Variants in PRSS23 observed in about 807,000 individuals in gnomAD.
PRSS23 encodes serine protease 23.
Under a neutral mutation model 34.7 loss-of-function variants are expected in PRSS23, and 25 were observed. That is an observed-to-expected ratio of 0.72 (90% CI 0.53 to 1.01). The LOEUF is 1.01. Among genes scored for constraint, PRSS23 ranks in the 50% least tolerant of loss-of-function variants. The pLI, the probability that PRSS23 is intolerant of heterozygous loss-of-function variation, is 0.00. For missense variants in PRSS23, 445 were observed against 475.6 expected, an observed-to-expected ratio of 0.94 and a Z score of 0.60; for synonymous variants, 176 against 186.6, an observed-to-expected ratio of 0.94 and a Z score of 0.46.
intron 2 of PRSS23, among the ~76,000 whole-genome samples, chr11:86,889,545 G>C (rs986539919): frequency 6.6e-6 from 1 of 152,160 alleles, no homozygotes; most frequent in Non-Finnish European, 1.5e-5. Context: ...AAAAGGGACT[G>C]AATGCACTCC....
upstream of PRSS23, chr11:86,800,288 C>G (rs904702806): frequency 1.3e-5 from 3 of 227,558 alleles, no homozygotes; most frequent in Non-Finnish European, 2.2e-5. Flanking sequence ...TGCCTGGCGC[C>G]GAGAGGCCCG....
chr11:86,859,257 G>C (rs1219616875), intron 2 of PRSS23, among the ~76,000 whole-genome samples: 1 of 122,660 alleles, frequency 8.2e-6, no homozygotes, highest in East Asian at 2.6e-4. Context: ...TTGTGATTTA[G>C]TTCAGGTGAT....
intron 2 of PRSS23, chr11:86,892,291 A>T (rs1181328978): frequency 6.6e-6 from 1 of 152,246 alleles, no homozygotes; most frequent in African/African-American, 2.4e-5. Flanking sequence ...GCCTTACTTC[A>T]TTGTCACTCC....
intron 2 of PRSS23, among the ~76,000 whole-genome samples, chr11:86,894,381 A>G (rs1948861277): frequency 6.6e-6 from 1 of 152,242 alleles, no homozygotes; most frequent in African/African-American, 2.4e-5. Context: ...ACAGAGTTGT[A>G]AAATATTTCA....
intron 2 of PRSS23, among the ~76,000 whole-genome samples, chr11:86,920,018 G>A (rs1407686520): frequency 2.0e-5 from 3 of 152,166 alleles, no homozygotes; most frequent in Admixed American, 6.5e-5. Flanking sequence ...AGACGCCAGC[G>A]TGAAGGCCTG....
chr11:86,855,085 A>G (rs1434202633), intron 2 of PRSS23, among the ~76,000 whole-genome samples: 1 of 151,954 alleles, frequency 6.6e-6, no homozygotes, highest in East Asian at 1.9e-4. Flanking sequence ...GAATCACTTG[A>G]AACCCAGGAG....
intron 2 of PRSS23, among the ~76,000 whole-genome samples, chr11:86,878,821 C>T (rs1370230492): frequency 2.0e-5 from 3 of 151,566 alleles, no homozygotes; most frequent in East Asian, 2.0e-4. Flanking sequence ...AAGTGAGGAG[C>T]GCCTCTTCCC....
chr11:86,800,419 T>A (rs1036584812), upstream of PRSS23: 23 of 978,156 alleles, frequency 2.4e-5, no homozygotes, highest in African/African-American at 3.9e-4. Context: ...GGGGGCACGG[T>A]TTATGTGCAG....
At position 86,833,378 on chromosome 11, in the gene PRSS23, C is replaced by G; in HGVS notation, c.206+9785C>G. ...AGGTACATGAACAGGAACAGCCCAG[C>G]GAGGGCCAGCTGCAGTTTTGGATCC... is the stretch of plus-strand genomic sequence containing the variant. On this transcript the variant is annotated intron_variant, in intron 2 of 2. Coordinates refer to the PRSS23 transcript ENST00000533902. The G allele has an allele frequency of 7.0e-6, 5 of 709,914 alleles. No homozygotes were observed. The Admixed American group carries it at 9.0e-5, about 13-fold the overall frequency. The allele number at this position is 709,914 out of a possible 1,614,324, so 44.0% of individuals were successfully genotyped here. A position where few individuals can be genotyped will look rare whatever the true frequency, so the allele number is the denominator to read the frequency against.
At chr11:86,805,066 C>T (rs1230854566) in intron 1 of PRSS23, among the ~76,000 whole-genome samples, 1 of 152,092 alleles carries the variant, frequency 6.6e-6, no homozygotes, top group Non-Finnish European at 1.5e-5. Flanking sequence ...TTAACATTCC[C>T]CACATTACTC....
rs138544672 is a variant in PRSS23 at position 86,831,884 on chromosome 11, C to T, written c.206+8291C>T. On this transcript the variant is annotated intron_variant, in intron 2 of 2. Transcript: ENST00000533902. ...CTCCTAATGTCACAGGTGATGTGCA[C>T]CTTGTGATATTATTCACAATATTCC... Among the ~76,000 whole-genome samples, 319 of 152,044 alleles carry T rather than the reference C, an allele frequency of 2.1e-3. 3 individuals are homozygous for T. Among genetic ancestry groups the T allele is most frequent in the Middle Eastern group, 0.017 (5 of 292 alleles).
chr11:86,794,580 G>A (rs1314928764), intron 1 of PRSS23, among the ~76,000 whole-genome samples: 1 of 152,040 alleles, frequency 6.6e-6, no homozygotes, highest in Non-Finnish European at 1.5e-5. Context: ...TGTATGTTAA[G>A]CTTTTATATA....
intron 1 of PRSS23, among the ~76,000 whole-genome samples, chr11:86,806,894 G>C (rs1948107638): frequency 6.6e-6 from 1 of 152,202 alleles, no homozygotes; most frequent in Non-Finnish European, 1.5e-5. Context: ...TTTAGATATT[G>C]ACAAAGATCC....
At chr11:86,935,846 C>T (rs749408021) in intron 2 of PRSS23, 4 of 152,148 alleles carry the variant, frequency 2.6e-5, no homozygotes, top group African/African-American at 4.8e-5. Context: ...TATGTAGCCA[C>T]TTAGGACAAA....
intron 2 of PRSS23, among the ~76,000 whole-genome samples, chr11:86,830,428 G>T (rs1748821117): frequency 6.6e-6 from 1 of 152,300 alleles, no homozygotes; most frequent in Non-Finnish European, 1.5e-5. Context: ...GGAACTCCCT[G>T]ACCCTTTGCG....
At chr11:86,930,562 C>A (rs964384532) in intron 2 of PRSS23, among the ~76,000 whole-genome samples, 1 of 152,062 alleles carries the variant, frequency 6.6e-6, no homozygotes, top group Non-Finnish European at 1.5e-5. Flanking sequence ...GAGGCCGAGG[C>A]GGGCGGATCA....
rs570320899 is a variant in PRSS23 at position 86,823,553 on chromosome 11, C to T, written c.166C>T (p.Gln56Ter). ...AGCAGAGACACCAGGACAGAAAAGA[C>T]AGTGTTCTGCTTTCATGGAGTTCAC... Residue 56 changes from glutamine (Q) to a stop codon, truncating the protein, a stop_gained, in exon 2 of 3, where the codon CAG becomes TAG. Coordinates refer to the PRSS23 transcript ENST00000533902. LOFTEE classifies it low-confidence loss of function (ANC_ALLELE). The T allele has an allele frequency of 4.4e-4, 306 of 702,616 alleles. 4 individuals are homozygous for T. The South Asian group carries it at 4.4e-3, about 10-fold the overall frequency. 43.5% of individuals were successfully genotyped at this position (702,616 alleles called of 1,614,324 possible).
In PRSS23 at chr11:86,808,826, G is replaced by T; in HGVS notation, c.*31G>T. 1 of 1,554,892 alleles carries T rather than the reference G, an allele frequency of 6.4e-7. No homozygotes were observed. The highest frequency in any genetic ancestry group is 8.7e-7 in the Non-Finnish European group (1 of 1,147,916). ...TGTTCCCTCCTGGCAGCAATTAAGG[G>T]TCTTCATGTTCTTATTTTAGGAGAG... is the stretch of plus-strand genomic sequence containing the variant. On this transcript the variant is annotated 3_prime_UTR_variant, in exon 2 of 2. Coordinates refer to ENST00000280258, the MANE Select transcript of PRSS23 (RefSeq NM_007173.6).
chr11:86,950,650 T>C (rs540845421), intron 2 of PRSS23: 9 of 194,810 alleles, frequency 4.6e-5, no homozygotes, highest in Non-Finnish European at 8.6e-5. Context: ...AGCCAAACTA[T>C]AAAACTCTTG....
Sources: allele counts gnomAD v4.1 joint callset (sites outside exome capture counted in the v4.1 genomes callset), GRCh38; gene constraint gnomAD v4.1.1; transcripts MANE v1.5; gene names NCBI Gene and HGNC (gene_info 2026-07-23, HGNC 2026-07-21).